Variants in LCORL observed in about 807,000 individuals in gnomAD.
The protein encoded by LCORL is ligand dependent nuclear receptor corepressor like.
LCORL carries 41 observed loss-of-function variants against 141.8 expected under a neutral mutation model. That is an observed-to-expected ratio of 0.29 (90% CI 0.23 to 0.38). The LOEUF is 0.38. Ranked by LOEUF, LCORL falls within the 10% of genes least tolerant of loss-of-function variation. The probability of loss-of-function intolerance (pLI) is 1.00; values close to 1 mark genes in which losing one functional copy is unlikely to be tolerated. For missense variants in LCORL, 1,759 were observed against 2,035.0 expected (o/e 0.86, Z 2.61); for synonymous variants, 618 against 694.1 (o/e 0.89, Z 1.72).
intron 1 of LCORL, among the ~76,000 whole-genome samples, chr4:18,003,865 G>C (rs1722373468): frequency 6.6e-6 from 1 of 152,066 alleles, no homozygotes; most frequent in Non-Finnish European, 1.5e-5. Flanking sequence ...ACCACATAAA[G>C]TTACTCAGTT....
intron 5 of LCORL, among the ~76,000 whole-genome samples, chr4:17,905,615 T>C (rs1265033076): frequency 1.3e-5 from 2 of 152,058 alleles, no homozygotes; most frequent in African/African-American, 2.4e-5. Context: ...TAAGAGTATA[T>C]AAAGTTACCT....
intron 7 of LCORL, among the ~76,000 whole-genome samples, chr4:17,848,061 A>G (rs950809026): frequency 3.3e-5 from 5 of 152,214 alleles, no homozygotes; most frequent in African/African-American, 1.2e-4. Flanking sequence ...TCCTTTTCAA[A>G]AACATACGGC....
At chr4:18,005,460 C>G (rs1003257293) in intron 1 of LCORL, among the ~76,000 whole-genome samples, 2 of 152,188 alleles carry the variant, frequency 1.3e-5, no homozygotes, top group Non-Finnish European at 2.9e-5. Context: ...CCTCTTCTCA[C>G]AGCACCACTA....
At chr4:17,939,902 A>G (rs1737555950) in intron 4 of LCORL, among the ~76,000 whole-genome samples, 1 of 151,064 alleles carries the variant, frequency 6.6e-6, no homozygotes, top group Non-Finnish European at 1.5e-5. Flanking sequence ...ACATATATGT[A>G]TATATACATA....
intron 1 of LCORL, among the ~76,000 whole-genome samples, chr4:18,004,331 AAG>A (rs1403995296): frequency 6.6e-6 from 1 of 152,232 alleles, no homozygotes; most frequent in African/African-American, 2.4e-5. Flanking sequence ...TTAAAAAAGA[AAG>A]AGGTTTATCA....
chr4:17,876,977 G>A (rs1230103414), exon 7 of LCORL: 4 of 1,230,638 alleles, frequency 3.3e-6, no homozygotes, highest in Non-Finnish European at 4.1e-6. Context: ...AAGGCCCTTG[G>A]TCATGATAGA....
intron 4 of LCORL, among the ~76,000 whole-genome samples, chr4:17,910,711 T>C (rs548338821): frequency 3.3e-5 from 5 of 152,310 alleles, no homozygotes; most frequent in South Asian, 4.1e-4. Flanking sequence ...ACCACAACTA[T>C]TGTCACATTT....
intron 5 of LCORL, among the ~76,000 whole-genome samples, chr4:17,907,006 C>A (rs1731751811): frequency 6.6e-6 from 1 of 152,204 alleles, no homozygotes; most frequent in Non-Finnish European, 1.5e-5. Context: ...TCTAACCACT[C>A]ATCTGATGCT....
At chr4:18,013,582 A>G (rs1455684236) in intron 1 of LCORL, among the ~76,000 whole-genome samples, 1 of 152,212 alleles carries the variant, frequency 6.6e-6, no homozygotes, top group East Asian at 1.9e-4. Context: ...GATAGGGGCT[A>G]AGAAGAAACT....
At chr4:17,936,377 A>AAG (rs60557531) in intron 4 of LCORL, among the ~76,000 whole-genome samples, 1 of 151,162 alleles carries the variant, frequency 6.6e-6, no homozygotes, top group African/African-American at 2.4e-5. Context: ...AAAAAAAAAA[A>AAG]GAAACAAAAA....
At chr4:18,013,471 T>G (rs939643498) in intron 1 of LCORL, among the ~76,000 whole-genome samples, 1 of 152,224 alleles carries the variant, frequency 6.6e-6, no homozygotes, top group Admixed American at 6.5e-5. Context: ...ATAGCATCTT[T>G]CATAGGAATA....
chr4:18,016,854 G>C (rs1560489240), intron 1 of LCORL, among the ~76,000 whole-genome samples: 1 of 152,048 alleles, frequency 6.6e-6, no homozygotes, highest in Non-Finnish European at 1.5e-5. Flanking sequence ...TTGTCATTCT[G>C]TTTTGCTGCT....
At chr4:17,993,690 TGAA>T (rs1198420698) in intron 1 of LCORL, among the ~76,000 whole-genome samples, 1 of 152,126 alleles carries the variant, frequency 6.6e-6, no homozygotes, top group Non-Finnish European at 1.5e-5. Flanking sequence ...TGGAAAGTCT[TGAA>T]GAAGTCAAGA....
At position 17,843,180 on chromosome 4, in the gene LCORL, A is replaced by G. The variant is rs1577220376; in HGVS notation, c.*2708T>C. Reference sequence around the variant, plus strand: ...GAGATTTTAGTTTTAAGCTAAGTCAATGGAATCAGGCTATCAATTAAACAC... The same window carrying G: ...GAGATTTTAGTTTTAAGCTAAGTCAGTGGAATCAGGCTATCAATTAAACAC... On this transcript the variant is annotated 3_prime_UTR_variant, in exon 8 of 8. Transcript: ENST00000635767. 4 of 1,072,126 alleles carry G rather than the reference A, an allele frequency of 3.7e-6. No homozygotes were observed. In the East Asian group the frequency reaches 7.5e-5, roughly 20 times the overall value. The allele number at this position is 1,072,126 out of a possible 1,614,324, so 66.4% of individuals were successfully genotyped here. A position where few individuals can be genotyped will look rare whatever the true frequency, so the allele number is the denominator to read the frequency against.
intron 4 of LCORL, among the ~76,000 whole-genome samples, chr4:17,949,131 T>A (rs1262125067): frequency 6.6e-6 from 1 of 152,078 alleles, no homozygotes; most frequent in African/African-American, 2.4e-5. Context: ...ACACTTCACC[T>A]GACAACTCTA....
At chr4:17,878,477 T>C (rs1462276228) in intron 6 of LCORL, among the ~76,000 whole-genome samples, 1 of 151,488 alleles carries the variant, frequency 6.6e-6, no homozygotes, top group Non-Finnish European at 1.5e-5. Context: ...ATTACATTTA[T>C]ATATTGTCTG....
chr4:17,995,350 C>CA (rs1720746742), intron 1 of LCORL, among the ~76,000 whole-genome samples: 3 of 151,936 alleles, frequency 2.0e-5, no homozygotes, highest in Admixed American at 6.6e-5. Context: ...ATCCCAAACA[C>CA]AAACATATAA....
At chr4:17,929,790 G>A (rs1246308063) in intron 4 of LCORL, among the ~76,000 whole-genome samples, 2 of 152,050 alleles carry the variant, frequency 1.3e-5, no homozygotes, top group Non-Finnish European at 2.9e-5. Flanking sequence ...AAAATTTTAA[G>A]CTTCAAAGGA....
intron 6 of LCORL, chr4:17,882,390 T>G (rs1307912858): frequency 1.0e-6 from 1 of 984,362 alleles, no homozygotes; most frequent in Non-Finnish European, 1.2e-6. Flanking sequence ...CTTTATAACA[T>G]TTTACCACTA....
Sources: allele counts gnomAD v4.1 joint callset (sites outside exome capture counted in the v4.1 genomes callset), GRCh38; gene constraint gnomAD v4.1.1; transcripts MANE v1.5; gene names NCBI Gene and HGNC (gene_info 2026-07-23, HGNC 2026-07-21).